Variants in HR observed in about 807,000 individuals in gnomAD.
The protein encoded by HR is lysine-specific demethylase hairless.
A neutral mutation model predicts 128.6 loss-of-function variants in HR; 83 were observed. That is an observed-to-expected ratio of 0.65 (90% CI 0.54 to 0.77). HR has a LOEUF of 0.77. Ranked by LOEUF, HR falls within the 30% of genes least tolerant of loss-of-function variation. HR has a pLI of 0.00. For synonymous variants in HR, 681 were observed against 658.2 expected (o/e 1.03, Z -0.53); for missense variants, 1,490 against 1,574.6 (o/e 0.95, Z 0.91).
rs747576623 is a variant in HR, at chr8:22,125,491, C to G, written c.1570G>C (p.Gly524Arg). ...GTGTCTTCCTCCTGCTGCAGCTCCC[C>G]TCCCAGAGGCGATCTGGAGAGAGGG... Reference protein sequence around the residue: ...SQQVRRSPLGGELQQEEDTAT... With the variant: ...SQQVRRSPLGRELQQEEDTAT... Residue 524 changes from glycine (G) to arginine (R), a missense_variant, in exon 5 of 19, where the codon GGG becomes CGG. By Grantham distance (125) the Gly-to-Arg change is moderately radical. This residue lies in a region of HR where 1,060 missense variants were observed against 1,060.9 expected (regional missense o/e 1.00). Transcript: ENST00000381418. The G allele has an allele frequency of 6.2e-7, 1 of 1,613,494 alleles. No individual in the cohort carries two copies. Among genetic ancestry groups the G allele is most frequent in the Admixed American group, 1.7e-5 (1 of 59,996 alleles).
chr8:22,121,517 A>G (rs1018366270), intron 9 of HR, 96 bp downstream of exon 9: 2 of 1,331,038 alleles, frequency 1.5e-6, no homozygotes, highest in Non-Finnish European at 2.2e-6. Context: ...GGGAGTTGCT[A>G]AAGTCCCCGG....
chr8:22,116,500 T>C lies in HR; in HGVS notation c.3379-72A>G. 1 of 1,564,370 alleles carries C rather than the reference T, an allele frequency of 6.4e-7. No individual in the cohort carries two copies. The highest frequency in any genetic ancestry group is 8.7e-7 in the Non-Finnish European group (1 of 1,154,318). On this transcript the variant is annotated intron_variant, in intron 17 of 18. Transcript: ENST00000381418. The surrounding 1 kb of genome is among the most constrained non-coding windows in gnomAD (Gnocchi z 4.2). ...CTCCCTGTCCCCCTGGTCCCTGAGG[T>C]TCGCTTCCTCTAATGACAACCACCC...
At chr8:22,117,678 C>T (rs576333355) in intron 16 of HR, 1 of 152,380 alleles carries the variant, frequency 6.6e-6, no homozygotes, top group South Asian at 2.1e-4. Context: ...AGGGAGCTCT[C>T]TGGGCAGGCA....
Position 22,119,228 on chromosome 8 carries a change from G to A in HR, c.3033C>T (p.Ala1011=), listed in dbSNP as rs760560680. ...CATGCACCAGGATGCTGACCAGGTC[G>A]GCCACCTCCACACAGAGGTTCTTGG... is the stretch of plus-strand genomic sequence containing the variant. ...LGTKNLCVEV[A]DLVSILVHAD... is the part of the protein sequence containing the mutation. Residue 1011 remains alanine, a synonymous_variant, in exon 15 of 19, where the codon GCC becomes GCT. Coordinates refer to ENST00000381418, the MANE Select transcript of HR (RefSeq NM_005144.5). 29 of 1,613,824 alleles carry A rather than the reference G, an allele frequency of 1.8e-5. No individual in the cohort carries two copies. In the South Asian group the frequency reaches 2.3e-4, roughly 13 times the overall value.
chr8:22,120,431 C>A lies in HR; in HGVS notation c.2687G>T (p.Gly896Val). Residue 896 changes from glycine to valine, a missense_variant, in exon 12 of 19, where the codon GGC (glycine) becomes GTC (valine). Gly to Val is a moderately radical substitution (Grantham distance 109). Transcript: ENST00000381418. ...GAGGGGGCTCAGCGCCTGCACCTGG[C>A]CTCCAAGTGCCCCAAGAGCTTCTGT... ...WGTEALGALG[G>V]QVQALSPLGP... The A allele has an allele frequency of 2.5e-6, 4 of 1,614,030 alleles. No individual in the cohort carries two copies. Among genetic ancestry groups the A allele is most frequent in the Non-Finnish European group, 3.4e-6 (4 of 1,180,020 alleles).
intron 5 of HR, 36 bp from the exon 6 acceptor site, chr8:22,123,849 A>G: frequency 1.3e-6 from 2 of 1,575,142 alleles, no homozygotes; most frequent in Admixed American, 1.8e-5. Context: ...CAGAGGGTGA[A>G]GGCAACAGGC....
chr8:22,120,953 G>A lies in HR; in HGVS notation c.2373C>T (p.Asp791=), dbSNP rs1169496792. 5 of 1,594,866 alleles carry A rather than the reference G, an allele frequency of 3.1e-6. No homozygotes were observed. The highest frequency in any genetic ancestry group is 1.7e-4 in the Middle Eastern group (1 of 6,042). ...APVTPALPSD[D]RITNILDSII... ...TGCTGTCCAGGATGTTGGTGATGCGGTCATCCTGCAGAGAGGGGCACAGGG... is the reference window on the plus strand; with the variant it reads ...TGCTGTCCAGGATGTTGGTGATGCGATCATCCTGCAGAGAGGGGCACAGGG... The change falls in exon 11 of 19, where the codon GAC becomes GAT. Residue 791 remains aspartate (D), a synonymous_variant. Coordinates refer to ENST00000381418, the MANE Select transcript of HR (RefSeq NM_005144.5).
chr8:22,121,253 G>T, intron 9 of HR, 25 bp from the exon 10 acceptor site: 2 of 1,611,758 alleles, frequency 1.2e-6, no homozygotes, highest in Non-Finnish European at 1.7e-6. Flanking sequence ...GATGGTGGGG[G>T]GCTTCGCGTT....
At chr8:22,126,876 G>A (rs2131765496) in intron 3 of HR, among the ~76,000 whole-genome samples, 161 bp downstream of exon 3, 1 of 152,312 alleles carries the variant, frequency 6.6e-6, no homozygotes, top group East Asian at 1.9e-4. Flanking sequence ...GCTCTGGCCT[G>A]GAGATGCTGA....
chr8:22,120,367 G>A lies in HR; in HGVS notation c.2751C>T (p.Phe917=). 6.2e-7 allele frequency: 1 copy of A among 1,613,928 alleles called. No individual in the cohort carries two copies. Among genetic ancestry groups the A allele is most frequent in the South Asian group, 1.1e-5 (1 of 91,090 alleles). Residue 917 remains phenylalanine (F), a synonymous_variant, in exon 12 of 19, where the codon TTC becomes TTT. Coordinates refer to ENST00000381418, the MANE Select transcript of HR (RefSeq NM_005144.5). The part of the protein sequence containing the change: ...PQPSSLGSTT[F]WEGFSWPELR... ...GCTCAGGCCAGGAGAAGCCCTCCCA[G>A]AATGTTGTGCTGCCCAGGCTGCTGG...
rs1213150865 is a variant in HR at position 22,115,474 on chromosome 8, G to T, written c.*226C>A. Reference sequence around the variant, plus strand: ...CCTGGTACCATGAAAAGGGGCACAGGGTGGGGGAGATGCCAGCCTGAGAAG... The same window carrying T: ...CCTGGTACCATGAAAAGGGGCACAGTGTGGGGGAGATGCCAGCCTGAGAAG... On this transcript the variant is annotated 3_prime_UTR_variant, in exon 19 of 19. Transcript: ENST00000381418. 1 of 623,680 alleles carries T rather than the reference G, an allele frequency of 1.6e-6. No individual in the cohort carries two copies. Among genetic ancestry groups the T allele is most frequent in the Non-Finnish European group, 2.9e-6 (1 of 342,964 alleles). 38.6% of individuals were successfully genotyped at this position (623,680 alleles called of 1,614,324 possible).
At chr8:22,120,036 G>T in intron 13 of HR, 68 bp downstream of exon 13, 2 of 1,564,478 alleles carry the variant, frequency 1.3e-6, no homozygotes, top group East Asian at 2.3e-5. Context: ...AGAGGAGGAG[G>T]GGAGGGCTGA....
Position 22,116,526 on chromosome 8 carries a change from C to T in HR, c.3379-98G>A, listed in dbSNP as rs1826592357. 7.1e-7 allele frequency: 1 copy of T among 1,406,190 alleles called. No homozygotes were observed. Among genetic ancestry groups the T allele is most frequent in the Admixed American group, 2.1e-5 (1 of 48,768 alleles). 87.1% of individuals were successfully genotyped at this position (1,406,190 alleles called of 1,614,324 possible). A position where few individuals can be genotyped will look rare whatever the true frequency, so the allele number is the denominator to read the frequency against. ...TCGCTTCCTCTAATGACAACCACCCCCGACCCCTGGCTCTCAGAGAGCAGA... is the reference window on the plus strand; with the variant it reads ...TCGCTTCCTCTAATGACAACCACCCTCGACCCCTGGCTCTCAGAGAGCAGA... On this transcript the variant is annotated intron_variant, in intron 17 of 18. Transcript: ENST00000381418. The surrounding 1 kb of genome is among the most constrained non-coding windows in gnomAD (Gnocchi z 4.2).
rs907643973 is a variant in HR at position 22,123,785 on chromosome 8, G to A, written c.1779C>T (p.Ser593=). The A allele has an allele frequency of 1.2e-6, 2 of 1,603,904 alleles. No individual in the cohort carries two copies. The change falls in exon 6 of 19, where the codon AGC becomes AGT. Residue 593 remains serine, a synonymous_variant. Coordinates refer to ENST00000381418, the MANE Select transcript of HR (RefSeq NM_005144.5). The part of the protein sequence containing the change: ...EGQGPAVTED[S]PGIPRCCSRC... Reference sequence around the variant, plus strand: ...GGCTGCAGCAGCGTGGAATGCCTGGGCTGTCCTCTGTCACGGCTGGCCCTT... The same window carrying A: ...GGCTGCAGCAGCGTGGAATGCCTGGACTGTCCTCTGTCACGGCTGGCCCTT...
rs764527940 is a variant in HR at position 22,121,618 on chromosome 8, T to C, written c.2198A>G (p.Lys733Arg). ...NGDTHRTKSIKEETPDSAETP... is the reference protein window; with the variant it reads ...NGDTHRTKSIREETPDSAETP... ...GGGCAAGAGGAGCCGCTCACCCTCT[T>C]TGATGCTCTTGGTCCTGTGGGTGTC... The change falls in exon 9 of 19, where the codon AAA becomes AGA. Residue 733 changes from lysine to arginine, a missense_variant. By Grantham distance (26) the Lys-to-Arg change is conservative (BLOSUM62 2). This residue lies in a region of HR where 1,060 missense variants were observed against 1,060.9 expected (regional missense o/e 1.00). Coordinates refer to ENST00000381418, the MANE Select transcript of HR (RefSeq NM_005144.5). The C allele has an allele frequency of 3.1e-6, 5 of 1,613,972 alleles. No homozygotes were observed. The highest frequency in any genetic ancestry group is 4.2e-6 in the Non-Finnish European group (5 of 1,180,026).
At chr8:22,129,572 C>T (rs1190914154) in intron 1 of HR, among the ~76,000 whole-genome samples, 2 of 152,272 alleles carry the variant, frequency 1.3e-5, no homozygotes, top group African/African-American at 2.4e-5. Context: ...CTGAGCCTGA[C>T]TCTGTCCTAT....
At chr8:22,123,617 T>TTGGGGGGGGCC in intron 6 of HR, 32 bp downstream of exon 6, 5 of 292,092 alleles carry the variant, frequency 1.7e-5, no homozygotes, top group African/African-American at 2.8e-5. Flanking sequence ...GAGGGCTCCA[T>TTGGGGGGGGCC]CCCGCCCTCC....
intron 6 of HR, 32 bp downstream of exon 6, chr8:22,123,617 T>TGGGGGGGGGCCCCC: frequency 1.4e-5 from 4 of 292,088 alleles, no homozygotes; most frequent in Non-Finnish European, 2.5e-5. Flanking sequence ...GAGGGCTCCA[T>TGGGGGGGGGCCCCC]CCCGCCCTCC....
chr8:22,118,747 C>T (rs1826654333), intron 16 of HR: 5 of 600,938 alleles, frequency 8.3e-6, no homozygotes, highest in Admixed American at 2.9e-5. Context: ...CCTGCCGCAG[C>T]CCCTGCCCCT....
Sources: gnomAD v4.1 joint callset for allele counts (sites outside exome capture counted in the v4.1 genomes callset) on GRCh38, gnomAD v4.1.1 for gene constraint, gnomAD v4.1.1 regional missense constraint, Gnocchi (gnomAD v3.1) non-coding constraint, MANE v1.5 for transcripts, NCBI Gene and HGNC (gene_info 2026-07-23, HGNC 2026-07-21) for gene names.